Variants in FAM13A observed in about 807,000 individuals in gnomAD.
The protein encoded by FAM13A is family with sequence similarity 13 member A, also known as protein FAM13A.
Under a neutral mutation model 129.6 loss-of-function variants are expected in FAM13A, and 76 were observed. The ratio of observed to expected loss-of-function variants is 0.59; its 90% confidence interval spans 0.49 to 0.71. The LOEUF (loss-of-function observed/expected upper bound fraction) is 0.71. Among genes scored for constraint, FAM13A ranks in the 30% least tolerant of loss-of-function variants. The pLI is 0.00. For missense variants in FAM13A, 1,108 were observed against 1,249.3 expected, an observed-to-expected ratio of 0.89 and a Z score of 1.70; for synonymous variants, 443 against 449.9, an observed-to-expected ratio of 0.98 and a Z score of 0.20.
intron 7 of FAM13A, among the ~76,000 whole-genome samples, chr4:88,816,759 G>A (rs1431241704): frequency 6.6e-6 from 1 of 152,176 alleles, no homozygotes; most frequent in Admixed American, 6.6e-5. Context: ...CATGTGTGTA[G>A]AGTGTTTTCC....
rs143397954 is a variant in FAM13A at position 88,743,886 on chromosome 4, G to A, written c.2466+3046C>T. Reference sequence around the variant, plus strand: ...CCTCAAACTCTTAGTAAAACAAGAAGTAGTTTGAGTTTGTGTGTGAGGGCT... The same window carrying A: ...CCTCAAACTCTTAGTAAAACAAGAAATAGTTTGAGTTTGTGTGTGAGGGCT... On this transcript the variant is annotated intron_variant, in intron 19 of 23. Coordinates refer to ENST00000264344, the MANE Select transcript of FAM13A (RefSeq NM_014883.4). Among the ~76,000 whole-genome samples the A allele has an allele frequency of 7.2e-5, 11 of 152,266 alleles. No homozygotes were observed. In the East Asian group the frequency reaches 2.1e-3, roughly 29 times the overall value.
chr4:88,953,544 C>G (rs1757282831), intron 4 of FAM13A, among the ~76,000 whole-genome samples: 1 of 152,120 alleles, frequency 6.6e-6, no homozygotes, highest in South Asian at 2.1e-4. Flanking sequence ...CAATTAGCAG[C>G]ATAAGGTACA....
intron 6 of FAM13A, among the ~76,000 whole-genome samples, chr4:88,866,620 A>G (rs1740505753): frequency 6.6e-6 from 1 of 152,210 alleles, no homozygotes; most frequent in Non-Finnish European, 1.5e-5. Flanking sequence ...ACAAAAAAAA[A>G]TCCTCAATTC....
chr4:88,808,408 C>G (rs1361446398), intron 7 of FAM13A, among the ~76,000 whole-genome samples: 1 of 152,092 alleles, frequency 6.6e-6, no homozygotes, highest in Non-Finnish European at 1.5e-5. Flanking sequence ...TGTACTATTA[C>G]TACAGGCTCC....
chr4:88,989,245 C>T (rs928064490), intron 4 of FAM13A, among the ~76,000 whole-genome samples: 13 of 151,814 alleles, frequency 8.6e-5, no homozygotes, highest in Admixed American at 2.6e-4. Context: ...CTACATTAAA[C>T]GACTGATCTA....
At chr4:88,975,565 CTT>C (rs985035701) in intron 4 of FAM13A, among the ~76,000 whole-genome samples, 1 of 152,104 alleles carries the variant, frequency 6.6e-6, no homozygotes, top group African/African-American at 2.4e-5. Context: ...ATTTTGAAGT[CTT>C]ATAGACAGCA....
chr4:89,021,517 A>C (rs1767253875), intron 2 of FAM13A, among the ~76,000 whole-genome samples: 1 of 152,206 alleles, frequency 6.6e-6, no homozygotes, highest in Admixed American at 6.5e-5. Context: ...AAACATAAAG[A>C]AAGGTAGGCA....
intron 8 of FAM13A, among the ~76,000 whole-genome samples, chr4:88,798,593 T>C (rs1726734234): frequency 6.6e-6 from 1 of 152,200 alleles, no homozygotes; most frequent in Non-Finnish European, 1.5e-5. Flanking sequence ...CTATCTGTAT[T>C]GTTTAGTTGG....
At chr4:88,877,892 G>A (rs1003224764) in intron 6 of FAM13A, among the ~76,000 whole-genome samples, 1 of 152,164 alleles carries the variant, frequency 6.6e-6, no homozygotes, top group African/African-American at 2.4e-5. Context: ...CAATGGTGGT[G>A]CTCATTCTGA....
At chr4:88,939,360 C>G (rs1179976455) in intron 4 of FAM13A, among the ~76,000 whole-genome samples, 1 of 152,108 alleles carries the variant, frequency 6.6e-6, no homozygotes, top group Non-Finnish European at 1.5e-5. Context: ...ACACGGCCTT[C>G]TCTACATGTG....
rs1759935617 is a variant in FAM13A at position 88,970,502 on chromosome 4, T to C, written c.605+20471A>G. On this transcript the variant is annotated intron_variant, in intron 4 of 23. Coordinates refer to ENST00000264344, the MANE Select transcript of FAM13A (RefSeq NM_014883.4). ...ATATATCAGATATATAGATACACTA[T>C]ATATATTTGATAGATGATATATTTG... Among the ~76,000 whole-genome samples, 3 of 151,308 alleles carry C rather than the reference T, an allele frequency of 2.0e-5. 1 individual carries two copies. The South Asian group carries it at 6.2e-4, about 31-fold the overall frequency.
At chr4:89,022,621 T>A (rs530520690) in intron 2 of FAM13A, among the ~76,000 whole-genome samples, 4 of 152,250 alleles carry the variant, frequency 2.6e-5, no homozygotes, top group African/African-American at 9.6e-5. Context: ...CCCATTATAA[T>A]CCCCTCTACT....
chr4:88,774,655 G>C (rs1721327306), intron 11 of FAM13A, among the ~76,000 whole-genome samples: 1 of 152,200 alleles, frequency 6.6e-6, no homozygotes, highest in African/African-American at 2.4e-5. Flanking sequence ...GAAGCTTGGA[G>C]ACATGTTGGC....
chr4:88,875,933 C>T (rs957072118), intron 6 of FAM13A, among the ~76,000 whole-genome samples: 9 of 152,162 alleles, frequency 5.9e-5, no homozygotes, highest in Non-Finnish European at 1.2e-4. Flanking sequence ...AAATGTGGCA[C>T]ATATACACCA....
At chr4:88,884,727 C>G (rs562045291) in intron 6 of FAM13A, among the ~76,000 whole-genome samples, 1 of 152,180 alleles carries the variant, frequency 6.6e-6, no homozygotes, top group South Asian at 2.1e-4. Context: ...TGCTGATGAT[C>G]TGATTGTATA....
In FAM13A at chr4:88,913,330, AGAAGAAGAAGAG is replaced by A. The variant is rs1264310521; in HGVS notation, c.760-6880_760-6869del. 2.1e-5 allele frequency among the ~76,000 whole-genome samples: 3 copies of A among 141,574 alleles called. No homozygotes were observed. In the East Asian group the frequency reaches 6.7e-4, roughly 32 times the overall value. 92.9% of individuals were successfully genotyped at this position (141,574 alleles called of 152,430 possible). On this transcript the variant is annotated intron_variant, in intron 5 of 23. Coordinates refer to ENST00000264344, the MANE Select transcript of FAM13A (RefSeq NM_014883.4). The stretch of plus-strand genomic sequence containing the variant: ...AGGAAGAGGAAGAAGAGGAGGAGGA[AGAAGAAGAAGAG>A]GAAGAAGAGGAGGAAGAAGAGAAGA...
chr4:89,013,326 G>GTGTATATATA (rs1553922492), intron 3 of FAM13A, among the ~76,000 whole-genome samples: 1 of 148,420 alleles, frequency 6.7e-6, no homozygotes, highest in African/African-American at 2.5e-5. Context: ...ATATAACACA[G>GTGTATATATA]TATATATACA....
intron 6 of FAM13A, among the ~76,000 whole-genome samples, chr4:88,881,530 A>G (rs900073374): frequency 6.6e-6 from 1 of 152,228 alleles, no homozygotes; most frequent in Non-Finnish European, 1.5e-5. Context: ...AATGAGAAGG[A>G]AACAGAAAAA....
chr4:88,894,806 G>T (rs760439793), intron 6 of FAM13A, among the ~76,000 whole-genome samples: 1 of 152,216 alleles, frequency 6.6e-6, no homozygotes, highest in Non-Finnish European at 1.5e-5. Flanking sequence ...ACAGGCATGA[G>T]CCACCACACA....
Sources: gnomAD v4.1 joint callset for allele counts (sites outside exome capture counted in the v4.1 genomes callset) on GRCh38, gnomAD v4.1.1 for gene constraint, MANE v1.5 for transcripts, NCBI Gene and HGNC (gene_info 2026-07-23, HGNC 2026-07-21) for gene names.